Variants in NOTCH1 observed in about 807,000 individuals in gnomAD.
The protein encoded by NOTCH1 is notch receptor 1.
Under a neutral mutation model 254.8 loss-of-function variants are expected in NOTCH1, and 37 were observed. That is an observed-to-expected ratio of 0.15 (90% confidence interval 0.11 to 0.19). NOTCH1 has a LOEUF of 0.19. Among genes scored for constraint, NOTCH1 ranks in the 10% least tolerant of loss-of-function variants. The pLI is 1.00. For missense variants in NOTCH1, 2,972 were observed against 3,708.6 expected (o/e 0.80, Z 5.16); for synonymous variants, 1,731 against 1,618.1 (o/e 1.07, Z -1.68).
rs1414066424 is a variant in NOTCH1, at chr9:136,505,485, C to T, written c.4411G>A (p.Ala1471Thr). The T allele has an allele frequency of 2.5e-6, 4 of 1,612,842 alleles. No individual in the cohort carries two copies. Among genetic ancestry groups the T allele is most frequent in the Admixed American group, 3.3e-5 (2 of 60,028 alleles). ...KVCSLQCNNH[A>T]CGWDGGDCSL... The stretch of plus-strand genomic sequence containing the variant: ...CAGTCACCGCCGTCCCAGCCGCACG[C>T]GTGGTTGTTGCACTGCAGGCTGCAG... Residue 1471 changes from alanine (A) to threonine (T), a missense_variant, in exon 25 of 34, where the codon GCG becomes ACG. Transcript: ENST00000651671.
At chr9:136,532,488 C>T (rs1843577185) in intron 2 of NOTCH1, among the ~76,000 whole-genome samples, 1 of 151,982 alleles carries the variant, frequency 6.6e-6, no homozygotes, top group Non-Finnish European at 1.5e-5. Flanking sequence ...TGGGAGAGAC[C>T]TTCCTGGAGG....
In NOTCH1 at chr9:136,508,286, C is replaced by T. The variant is rs768095251; in HGVS notation, c.3271G>A (p.Gly1091Ser). The change falls in exon 20 of 34, where the codon GGC (glycine) becomes AGC (serine). Residue 1091 changes from glycine (G) to serine (S), a missense_variant. Coordinates refer to ENST00000651671, the MANE Select transcript of NOTCH1 (RefSeq NM_017617.5). ...YRCECPSGWT[G>S]LYCDVPSVSC... The stretch of plus-strand genomic sequence containing the variant: ...ACGCTGGGCACGTCGCAGTAAAGGC[C>T]GGTCCAGCCGCTGGGGCACTCGCAG... The T allele has an allele frequency of 3.5e-5, 56 of 1,612,740 alleles. No individual in the cohort carries two copies. The highest frequency in any genetic ancestry group is 5.3e-5 in the African/African-American group (4 of 74,918).
chr9:136,530,152 G>A lies in NOTCH1; in HGVS notation c.141-6173C>T, dbSNP rs932546499. 1.4e-4 allele frequency among the ~76,000 whole-genome samples: 22 copies of A among 152,326 alleles called. No individual in the cohort carries two copies. In the East Asian group the frequency reaches 2.9e-3, roughly 20 times the overall value. Reference sequence around the variant, plus strand: ...GTTGGGTGGGGCGGGGGTCGCGGCCGGCCCGCCACAGCGCAGGGACCCAGC... The same window carrying A: ...GTTGGGTGGGGCGGGGGTCGCGGCCAGCCCGCCACAGCGCAGGGACCCAGC... On this transcript the variant is annotated intron_variant, in intron 2 of 33. Transcript: ENST00000651671.
chr9:136,497,381 G>C lies in NOTCH1; in HGVS notation c.6358C>G (p.Arg2120Gly). Reference sequence around the variant, plus strand: ...GGGGCTCCGTGCAGCTGCGGGCTGCGCACCAGGTTGTACTCGTCCAGCAGC... The same window carrying C: ...GGGGCTCCGTGCAGCTGCGGGCTGCCCACCAGGTTGTACTCGTCCAGCAGC... ...VRLLDEYNLV[R>G]SPQLHGAPLG... The change falls in exon 34 of 34, where the codon CGC becomes GGC. Residue 2120 changes from arginine (R) to glycine (G), a missense_variant. Arg to Gly is a moderately radical substitution (Grantham distance 125, BLOSUM62 -2). Coordinates refer to ENST00000651671, the MANE Select transcript of NOTCH1 (RefSeq NM_017617.5). The C allele has an allele frequency of 6.2e-7, 1 of 1,609,100 alleles. No homozygotes were observed.
intron 2 of NOTCH1, chr9:136,543,082 TACCCCAC>T (rs1843755518): frequency 6.5e-6 from 1 of 153,800 alleles, no homozygotes; most frequent in Non-Finnish European, 1.5e-5. Context: ...ACTCAATAAT[TACCCCAC>T]ACCCCACGCC....
intron 2 of NOTCH1, among the ~76,000 whole-genome samples, chr9:136,532,160 C>T (rs933191173): frequency 6.6e-6 from 1 of 152,166 alleles, no homozygotes; most frequent in Non-Finnish European, 1.5e-5. Context: ...GGGGGAGGGG[C>T]CTGCAGTGCC....
In NOTCH1 at chr9:136,518,269, C is replaced by T. The variant is rs2133369908; in HGVS notation, c.1123G>A (p.Ala375Thr). ...TCGTTACAGGGGTTGCTGATGCATGCGTCGTTGAGGTGGCACAGCAGACCT... is the reference window on the plus strand; with the variant it reads ...TCGTTACAGGGGTTGCTGATGCATGTGTCGTTGAGGTGGCACAGCAGACCT... ...RTGLLCHLND[A>T]CISNPCNEGS... Residue 375 changes from alanine (A) to threonine (T), a missense_variant, in exon 7 of 34, where the codon GCA (alanine) becomes ACA (threonine). This residue lies in a region of NOTCH1 where 90 missense variants were observed against 183.6 expected (regional missense o/e 0.49). Coordinates refer to ENST00000651671, the MANE Select transcript of NOTCH1 (RefSeq NM_017617.5). 3 of 1,610,972 alleles carry T rather than the reference C, an allele frequency of 1.9e-6. No individual in the cohort carries two copies. The highest frequency in any genetic ancestry group is 1.1e-5 in the South Asian group (1 of 90,592).
Position 136,504,791 on chromosome 9 carries a change from C to T in NOTCH1, c.4900G>A (p.Ala1634Thr), listed in dbSNP as rs757260114. 1 of 1,556,048 alleles carries T rather than the reference C, an allele frequency of 6.4e-7. No homozygotes were observed. Among genetic ancestry groups the T allele is most frequent in the African/African-American group, 1.4e-5 (1 of 73,734 alleles). ...EELRKHPIKR[A>T]AEGWAAPDAL... ...TCAGGTGCGGCCCAGCCCTCGGCGG[C>T]ACGCTTGATGGGGTGCTTGCGCAGC... Residue 1634 changes from alanine (A) to threonine (T), a missense_variant, in exon 26 of 34, where the codon GCC becomes ACC. Transcript: ENST00000651671.
chr9:136,506,008 G>A lies in NOTCH1; in HGVS notation c.4015-127C>T. ...AACCTGGGAGGCGGCCTGCAACCTT[G>A]CCCCCAGCAGCAAAACCCTTTACAC... is the stretch of plus-strand genomic sequence containing the variant. On this transcript the variant is annotated intron_variant, in intron 24 of 33. Transcript: ENST00000651671. The surrounding 1 kb of genome is among the most constrained non-coding windows in gnomAD (Gnocchi z 4.5). The A allele has an allele frequency of 1.3e-6, 1 of 778,812 alleles. No homozygotes were observed. The highest frequency in any genetic ancestry group is 2.0e-6 in the Non-Finnish European group (1 of 495,006). The allele number at this position is 778,812 out of a possible 1,614,324, so 48.2% of individuals were successfully genotyped here.
intron 2 of NOTCH1, among the ~76,000 whole-genome samples, chr9:136,524,444 C>T (rs943399991): frequency 5.9e-5 from 9 of 152,304 alleles, no homozygotes; most frequent in Non-Finnish European, 1.3e-4. Flanking sequence ...GGAGAGGAGC[C>T]GGGTGCATTA....
At chr9:136,518,114 G>T in intron 7 of NOTCH1, 23 bp downstream of exon 7, 1 of 1,571,772 alleles carries the variant, frequency 6.4e-7, no homozygotes. Flanking sequence ...CCACCTGGCC[G>T]CACCCCCTGT....
intron 2 of NOTCH1, among the ~76,000 whole-genome samples, chr9:136,536,885 T>C (rs1044492800): frequency 2.6e-5 from 4 of 152,236 alleles, no homozygotes; most frequent in Non-Finnish European, 1.5e-5. Flanking sequence ...ATAAAGACCC[T>C]CTACTTTGCA....
At chr9:136,502,541 C>T (rs558317867) in intron 27 of NOTCH1, 53 bp from the exon 28 acceptor site, 1 of 1,289,546 alleles carries the variant, frequency 7.8e-7, no homozygotes, top group East Asian at 2.6e-5. Context: ...AGCGGCTACG[C>T]AGCAGGCTGG....
At position 136,495,677 on chromosome 9, in the gene NOTCH1, C is replaced by T. The variant is rs1007550165; in HGVS notation, c.*394G>A. 1.2e-5 allele frequency: 5 copies of T among 410,178 alleles called. No homozygotes were observed. The highest frequency in any genetic ancestry group is 2.1e-5 in the Non-Finnish European group (5 of 232,674). The allele number at this position is 410,178 out of a possible 1,614,324, so 25.4% of individuals were successfully genotyped here. ...ACTATGCTCGTTCAACTTCCCTTCT[C>T]CAACATCATTTCTTTTTGGATTTTG... On this transcript the variant is annotated 3_prime_UTR_variant, in exon 34 of 34. Coordinates refer to ENST00000651671, the MANE Select transcript of NOTCH1 (RefSeq NM_017617.5).
Position 136,494,623 on chromosome 9 carries a change from G to A in NOTCH1, c.*1448C>T. 1 of 398,828 alleles carries A rather than the reference G, an allele frequency of 2.5e-6. No homozygotes were observed. Among genetic ancestry groups the A allele is most frequent in the East Asian group, 3.5e-5 (1 of 28,196 alleles). The allele number at this position is 398,828 out of a possible 1,614,324, so 24.7% of individuals were successfully genotyped here. Reference sequence around the variant, plus strand: ...CATCTGGTCATGCCCCCTGGGGATGGCACCACGCGGCCCCCGTAGAGCCGG... The same window carrying A: ...CATCTGGTCATGCCCCCTGGGGATGACACCACGCGGCCCCCGTAGAGCCGG... On this transcript the variant is annotated 3_prime_UTR_variant, in exon 34 of 34. Transcript: ENST00000651671.
chr9:136,496,797 C>T lies in NOTCH1; in HGVS notation c.6942G>A (p.Leu2314=), dbSNP rs759823306. 2 of 1,612,912 alleles carry T rather than the reference C, an allele frequency of 1.2e-6. No individual in the cohort carries two copies. Among genetic ancestry groups the T allele is most frequent in the Non-Finnish European group, 1.7e-6 (2 of 1,180,010 alleles). ...LNGQCEWLSR[L]QSGMVPNQYN... ...ATTGGTTCGGCACCATGCCGCTCTGCAGCCGGGACAGCCACTCGCATTGAC... is the reference window on the plus strand; with the variant it reads ...ATTGGTTCGGCACCATGCCGCTCTGTAGCCGGGACAGCCACTCGCATTGAC... Residue 2314 remains leucine (L), a synonymous_variant, in exon 34 of 34, where the codon CTG becomes CTA. Transcript: ENST00000651671.
chr9:136,537,622 C>A (rs1456281210), intron 2 of NOTCH1, among the ~76,000 whole-genome samples: 1 of 152,110 alleles, frequency 6.6e-6, no homozygotes, highest in Non-Finnish European at 1.5e-5. Flanking sequence ...ATAGCAAGAC[C>A]CCGCTTCTGC....
chr9:136,533,488 GT>G (rs1044979179), intron 2 of NOTCH1, among the ~76,000 whole-genome samples: 13 of 152,242 alleles, frequency 8.5e-5, no homozygotes, highest in African/African-American at 3.1e-4. Context: ...GGGCTCATCT[GT>G]CCCCCGGCTG....
intron 2 of NOTCH1, among the ~76,000 whole-genome samples, chr9:136,531,568 TG>T (rs1212975480): frequency 6.6e-6 from 1 of 152,006 alleles, no homozygotes; most frequent in African/African-American, 2.4e-5. Context: ...CCTAGGGTGG[TG>T]GGGGCAGAGC....
Sources: gnomAD v4.1 joint callset for allele counts (sites outside exome capture counted in the v4.1 genomes callset) on GRCh38, gnomAD v4.1.1 for gene constraint, gnomAD v4.1.1 regional missense constraint, Gnocchi (gnomAD v3.1) non-coding constraint, MANE v1.5 for transcripts, NCBI Gene and HGNC (gene_info 2026-07-23, HGNC 2026-07-21) for gene names.